The following STAG1 variants were observed in gnomAD, a reference collection of about 807,000 sequenced individuals.
The protein encoded by STAG1 is cohesin subunit SA-1.
A neutral mutation model predicts 170.9 loss-of-function variants in STAG1; 26 were observed. The observed-to-expected ratio is 0.15, with a 90% CI of 0.11 to 0.21. The LOEUF is 0.21. Ranked by LOEUF, STAG1 falls within the 10% of genes least tolerant of loss-of-function variation. The pLI, the probability that STAG1 is intolerant of heterozygous loss-of-function variation, is 1.00. For synonymous variants in STAG1, 514 were observed against 497.7 expected (o/e 1.03, Z -0.44); for missense variants, 964 against 1,509.5 (o/e 0.64, Z 5.99).
intron 1 of STAG1, among the ~76,000 whole-genome samples, chr3:136,720,868 A>G (rs977144050): frequency 7.9e-5 from 12 of 152,212 alleles, no homozygotes; most frequent in African/African-American, 2.7e-4. Flanking sequence ...ACTTATATTC[A>G]TATTTCATAG....
intron 6 of STAG1, among the ~76,000 whole-genome samples, chr3:136,535,618 G>A (rs1320316665): frequency 6.6e-6 from 1 of 151,964 alleles, no homozygotes; most frequent in African/African-American, 2.4e-5. Context: ...AGCTGAGATC[G>A]TGCCACTGCA....
intron 25 of STAG1, among the ~76,000 whole-genome samples, chr3:136,364,882 C>T (rs148334941): frequency 7.0e-4 from 106 of 152,118 alleles, no homozygotes; most frequent in African/African-American, 2.4e-3. Context: ...TGCTAAAAGG[C>T]GAACAGCTCA....
chr3:136,373,039 C>T (rs1360176545), intron 23 of STAG1, among the ~76,000 whole-genome samples: 1 of 152,146 alleles, frequency 6.6e-6, no homozygotes, highest in Non-Finnish European at 1.5e-5. Flanking sequence ...TGTTATTGGT[C>T]TATTCAGAGA....
chr3:136,737,149 CTATT>C, intron 1 of STAG1: 1 of 783,636 alleles, frequency 1.3e-6, no homozygotes, highest in South Asian at 1.3e-5. Context: ...TCTCTCTTCT[CTATT>C]TGTTTCACCT....
At chr3:136,558,606 A>G (rs1194480906) in intron 5 of STAG1, among the ~76,000 whole-genome samples, 2 of 152,234 alleles carry the variant, frequency 1.3e-5, no homozygotes, top group Non-Finnish European at 2.9e-5. Context: ...ACATAAAACT[A>G]AAAATACTGG....
chr3:136,596,477 T>C (rs1938434412), intron 4 of STAG1, among the ~76,000 whole-genome samples: 1 of 152,198 alleles, frequency 6.6e-6, no homozygotes, highest in African/African-American at 2.4e-5. Flanking sequence ...ATAACTTTTA[T>C]ATGTACTAGG....
At chr3:136,436,249 C>T (rs2088458946) in intron 15 of STAG1, among the ~76,000 whole-genome samples, 1 of 152,022 alleles carries the variant, frequency 6.6e-6, no homozygotes, top group Non-Finnish European at 1.5e-5. Flanking sequence ...AGCCACCACG[C>T]CTGGCCTCAT....
chr3:136,411,622 T>A (rs1365624645), intron 21 of STAG1, among the ~76,000 whole-genome samples: 1 of 152,080 alleles, frequency 6.6e-6, no homozygotes, highest in African/African-American at 2.4e-5. Context: ...TGAAACATAT[T>A]CGTGTGTCAG....
At chr3:136,448,861 C>T (rs1404980962) in intron 14 of STAG1, among the ~76,000 whole-genome samples, 1 of 151,886 alleles carries the variant, frequency 6.6e-6, no homozygotes, top group Admixed American at 6.6e-5. Flanking sequence ...ATCGCTTGAA[C>T]CCAGGAGGCA....
At chr3:136,661,822 T>A (rs1941590745) in intron 1 of STAG1, among the ~76,000 whole-genome samples, 1 of 152,246 alleles carries the variant, frequency 6.6e-6, no homozygotes, top group Non-Finnish European at 1.5e-5. Context: ...ATTCATGAGA[T>A]CTTCACAGTA....
At chr3:136,603,610 C>T (rs186419000) in intron 4 of STAG1, among the ~76,000 whole-genome samples, 17 of 152,144 alleles carry the variant, frequency 1.1e-4, no homozygotes, top group African/African-American at 3.6e-4. Flanking sequence ...TATGGCCGGG[C>T]GCGGTGGCTC....
intron 1 of STAG1, among the ~76,000 whole-genome samples, chr3:136,699,456 T>C (rs1430313537): frequency 1.3e-5 from 2 of 152,110 alleles, no homozygotes; most frequent in Admixed American, 1.3e-4. Context: ...AATGGCATAA[T>C]CACAGCTCAC....
At position 136,341,755 on chromosome 3, in the gene STAG1, T is replaced by A. The variant is rs551418867; in HGVS notation, c.3447-204A>T. Among the ~76,000 whole-genome samples the A allele has an allele frequency of 2.0e-4, 31 of 152,316 alleles. 1 individual carries two copies. Among genetic ancestry groups the A allele is most frequent in the African/African-American group, 7.5e-4 (31 of 41,566 alleles). On this transcript the variant is annotated intron_variant, in intron 30 of 33. Transcript: ENST00000383202. Reference sequence around the variant, plus strand: ...CCAAGAGAAGCTGGCTGAGGCTAATTGTTAGATGCTTAAACTATCAACCAA... The same window carrying A: ...CCAAGAGAAGCTGGCTGAGGCTAATAGTTAGATGCTTAAACTATCAACCAA...
intron 16 of STAG1, among the ~76,000 whole-genome samples, chr3:136,427,797 G>C (rs1235122687): frequency 6.6e-6 from 1 of 152,024 alleles, no homozygotes; most frequent in Non-Finnish European, 1.5e-5. Context: ...CTATAAAAAA[G>C]GCACACCTAT....
chr3:136,514,468 T>C (rs893448213), intron 7 of STAG1, among the ~76,000 whole-genome samples: 6 of 152,056 alleles, frequency 3.9e-5, no homozygotes, highest in African/African-American at 1.4e-4. Flanking sequence ...TAAGTGGGAG[T>C]GTAAACTAGT....
chr3:136,368,359 C>T (rs1468808981), intron 24 of STAG1, among the ~76,000 whole-genome samples: 1 of 152,118 alleles, frequency 6.6e-6, no homozygotes, highest in East Asian at 1.9e-4. Context: ...GCTAAGTTAT[C>T]ATTCTGCAGG....
chr3:136,484,136 T>C (rs942382738), intron 9 of STAG1, among the ~76,000 whole-genome samples: 1 of 145,902 alleles, frequency 6.9e-6, no homozygotes, highest in African/African-American at 2.6e-5. Context: ...CTGCGTTCTT[T>C]TGGAGGAGGA....
At chr3:136,473,494 T>G (rs1202996090) in intron 11 of STAG1, 45 bp downstream of exon 11, 1 of 1,416,184 alleles carries the variant, frequency 7.1e-7, no homozygotes, top group South Asian at 1.2e-5. Flanking sequence ...TAACTAGCAT[T>G]TGTAAAGAGA....
Position 136,669,200 on chromosome 3 carries a change from G to GT in STAG1, c.-83-38220dup, listed in dbSNP as rs549417168. 2.0e-4 allele frequency among the ~76,000 whole-genome samples: 31 copies of GT among 152,294 alleles called. 1 individual carries two copies. The South Asian group carries it at 6.4e-3, about 32-fold the overall frequency. ...TTCCAATTGAAAAAGGCAACACACTGTATTTAGAATCCACTTGCCTGCTTC... is the reference window on the plus strand; with the variant it reads ...TTCCAATTGAAAAAGGCAACACACTGTTATTTAGAATCCACTTGCCTGCTTC... On this transcript the variant is annotated intron_variant, in intron 1 of 33. Transcript: ENST00000383202.
Sources: allele counts gnomAD v4.1 joint callset (sites outside exome capture counted in the v4.1 genomes callset), GRCh38; gene constraint gnomAD v4.1.1; transcripts MANE v1.5; gene names NCBI Gene and HGNC (gene_info 2026-07-23, HGNC 2026-07-21).